CLASP1: variants seen among roughly 807,000 people sequenced by gnomAD.
CLASP1 encodes the protein cytoplasmic linker associated protein 1, also known as CLIP-associating protein 1.
A neutral mutation model predicts 192.3 loss-of-function variants in CLASP1; 38 were observed. The observed-to-expected ratio is 0.20, with a 90% confidence interval of 0.15 to 0.26. The LOEUF (loss-of-function observed/expected upper bound fraction) is 0.26, where lower values mean the gene tolerates loss of function less well. Ranked by LOEUF, CLASP1 falls within the 10% of genes least tolerant of loss-of-function variation. The probability of loss-of-function intolerance (pLI) is 1.00; values close to 1 mark genes in which losing one functional copy is unlikely to be tolerated. For missense variants in CLASP1, 1,433 were observed against 1,932.5 expected, an observed-to-expected ratio of 0.74 and a Z score of 4.85; for synonymous variants, 691 against 712.8, an observed-to-expected ratio of 0.97 and a Z score of 0.49.
intron 37 of CLASP1, among the ~76,000 whole-genome samples, chr2:121,358,538 T>G (rs1222508160): frequency 2.0e-5 from 3 of 152,202 alleles, no homozygotes; most frequent in African/African-American, 7.2e-5. Context: ...ATCACATATC[T>G]TCTCTGGCAC....
At chr2:121,507,386 A>C (rs893152229) in intron 7 of CLASP1, among the ~76,000 whole-genome samples, 1 of 152,214 alleles carries the variant, frequency 6.6e-6, no homozygotes, top group Admixed American at 6.5e-5. Context: ...AAATGATACC[A>C]TATCCTACCT....
At chr2:121,515,879 G>GA (rs1575591820) in intron 6 of CLASP1, 117 bp from the exon 7 acceptor site, 2 of 745,490 alleles carry the variant, frequency 2.7e-6, no homozygotes, top group East Asian at 5.4e-5. Flanking sequence ...GTGCAACTGT[G>GA]AATACAATCC....
chr2:121,527,957 A>G (rs2094617705), intron 4 of CLASP1, 67 bp from the exon 5 acceptor site: 1 of 1,291,850 alleles, frequency 7.7e-7, no homozygotes, highest in Admixed American at 1.8e-5. Context: ...ATAAGGGAGC[A>G]ATAGAAGGCA....
chr2:121,520,887 C>T (rs919517223), intron 6 of CLASP1, among the ~76,000 whole-genome samples: 1 of 152,198 alleles, frequency 6.6e-6, no homozygotes, highest in African/African-American at 2.4e-5. Context: ...GAGGTACATC[C>T]TTAGTGTACA....
chr2:121,587,443 C>T (rs1272999021), intron 2 of CLASP1, among the ~76,000 whole-genome samples: 2 of 152,168 alleles, frequency 1.3e-5, no homozygotes, highest in Non-Finnish European at 2.9e-5. Context: ...ACCTCACCTC[C>T]CCTTCCCTTC....
chr2:121,555,230 C>G (rs1441040549), intron 2 of CLASP1, among the ~76,000 whole-genome samples: 1 of 152,234 alleles, frequency 6.6e-6, no homozygotes, highest in Non-Finnish European at 1.5e-5. Context: ...GTCTGCAGCA[C>G]TGTGTGTTCT....
At chr2:121,545,884 G>A (rs2095318851) in intron 2 of CLASP1, among the ~76,000 whole-genome samples, 1 of 150,786 alleles carries the variant, frequency 6.6e-6, no homozygotes, top group South Asian at 2.1e-4. Flanking sequence ...TCTCAGAATT[G>A]AAATTCTATT....
At chr2:121,440,816 A>C (rs2083201629) in intron 19 of CLASP1, among the ~76,000 whole-genome samples, 1 of 137,822 alleles carries the variant, frequency 7.3e-6, no homozygotes. Context: ...AGCACAAGTA[A>C]CAGAAAAAAA....
chr2:121,341,513 G>A (rs61058441), intron 39 of CLASP1, among the ~76,000 whole-genome samples: 28,499 of 152,204 alleles, frequency 0.19, 4,799 homozygotes, highest in African/African-American at 0.45. Context: ...GGATAAACAT[G>A]TGATCCAATT....
At chr2:121,517,949 G>A (rs1229603976) in intron 6 of CLASP1, among the ~76,000 whole-genome samples, 2 of 138,274 alleles carry the variant, frequency 1.4e-5, no homozygotes, top group Non-Finnish European at 3.0e-5. Context: ...CACTCTGGAA[G>A]GCCCAGGCAG....
At chr2:121,529,730 A>G (rs2094703994) in intron 3 of CLASP1, among the ~76,000 whole-genome samples, 1 of 152,238 alleles carries the variant, frequency 6.6e-6, no homozygotes, top group African/African-American at 2.4e-5. Context: ...TGACATTTAC[A>G]ATCAAGGTGA....
At chr2:121,640,897 G>T (rs72956549) in intron 1 of CLASP1, among the ~76,000 whole-genome samples, 1 of 152,124 alleles carries the variant, frequency 6.6e-6, no homozygotes, top group African/African-American at 2.4e-5. Flanking sequence ...CTGGCAAATG[G>T]TGAGTGTTCT....
At chr2:121,421,690 G>A (rs1052389960) in intron 22 of CLASP1, among the ~76,000 whole-genome samples, 3 of 152,072 alleles carry the variant, frequency 2.0e-5, no homozygotes, top group Non-Finnish European at 2.9e-5. Context: ...TTACAGGCAC[G>A]CACCACCACA....
chr2:121,593,880 A>G (rs2062756137), intron 2 of CLASP1, among the ~76,000 whole-genome samples: 2 of 150,824 alleles, frequency 1.3e-5, no homozygotes, highest in South Asian at 4.2e-4. Context: ...GTGGTGGTGC[A>G]TGCCTGTGAT....
chr2:121,635,560 A>G (rs1322140296), intron 1 of CLASP1, among the ~76,000 whole-genome samples: 1 of 152,224 alleles, frequency 6.6e-6, no homozygotes, highest in African/African-American at 2.4e-5. Flanking sequence ...ATAGATTACA[A>G]AACGGACTCC....
intron 6 of CLASP1, among the ~76,000 whole-genome samples, chr2:121,524,473 T>A (rs1056529966): frequency 1.3e-5 from 2 of 151,816 alleles, no homozygotes; most frequent in Non-Finnish European, 2.9e-5. Context: ...TTTTTTTTTT[T>A]AAAGAAAAAG....
chr2:121,538,544 T>C (rs1347618355), intron 2 of CLASP1, among the ~76,000 whole-genome samples: 2 of 151,818 alleles, frequency 1.3e-5, no homozygotes, highest in Non-Finnish European at 2.9e-5. Flanking sequence ...TCCCAGCAAT[T>C]TGGGAGGCCA....
Position 121,531,079 on chromosome 2 carries a change from T to C in CLASP1, c.196-754A>G, listed in dbSNP as rs534041784. The C allele has an allele frequency of 6.8e-5, 47 of 686,942 alleles. No homozygotes were observed. In the East Asian group the frequency reaches 9.2e-4, roughly 13 times the overall value. 42.6% of individuals were successfully genotyped at this position (686,942 alleles called of 1,614,324 possible). ...CGTAAATAAACTAGTACTTTGTGGT[T>C]AAACCAGTAGAGGGTGCACAAGACG... On this transcript the variant is annotated intron_variant, in intron 2 of 39. Coordinates refer to ENST00000263710, the Ensembl canonical transcript of CLASP1.
chr2:121,579,817 T>C (rs548151563), intron 2 of CLASP1, among the ~76,000 whole-genome samples: 1 of 152,210 alleles, frequency 6.6e-6, no homozygotes, highest in South Asian at 2.1e-4. Context: ...ATCTCAAAAG[T>C]CTGAGGCAAA....
Sources: allele counts gnomAD v4.1 joint callset (sites outside exome capture counted in the v4.1 genomes callset), GRCh38; gene constraint gnomAD v4.1.1; transcripts MANE v1.5; gene names NCBI Gene and HGNC (gene_info 2026-07-23, HGNC 2026-07-21).